The following FANCD2 variants were observed in gnomAD, a reference collection of about 807,000 sequenced individuals.
FANCD2 encodes Fanconi anemia group D2 protein.
In FANCD2, 131 loss-of-function variants were observed where a neutral mutation model predicts 192.3. The ratio of observed to expected loss-of-function variants is 0.68; its 90% CI spans 0.59 to 0.79. The LOEUF is 0.79. Ranked by LOEUF, FANCD2 falls within the 30% of genes least tolerant of loss-of-function variation. FANCD2 has a pLI of 0.00. For synonymous variants in FANCD2, 524 were observed against 612.5 expected (o/e 0.86, Z 2.13); for missense variants, 1,508 against 1,701.6 (o/e 0.89, Z 2.00).
intron 30 of FANCD2, 87 bp from the exon 31 acceptor site, chr3:10,081,013 C>A: frequency 6.9e-7 from 1 of 1,450,810 alleles, no homozygotes; most frequent in Non-Finnish European, 9.6e-7. Flanking sequence ...CCTGGTGACA[C>A]AGGTTTGACT....
intron 37 of FANCD2, 56 bp downstream of exon 37, chr3:10,090,441 TG>T: frequency 1.1e-5 from 9 of 787,988 alleles, no homozygotes; most frequent in Non-Finnish European, 1.8e-5. Flanking sequence ...TGGAAGTTGC[TG>T]ATTTTTTTTT....
intron 29 of FANCD2, among the ~76,000 whole-genome samples, chr3:10,076,068 C>T (rs1340142236): frequency 2.0e-5 from 3 of 148,756 alleles, no homozygotes; most frequent in Non-Finnish European, 4.4e-5. Flanking sequence ...TCTACATCAT[C>T]TTGCCCTTAG....
chr3:10,086,126 C>A (rs1448710877), intron 33 of FANCD2, among the ~76,000 whole-genome samples: 3 of 152,206 alleles, frequency 2.0e-5, no homozygotes, highest in African/African-American at 7.2e-5. Context: ...CATGCTAAAT[C>A]TTCATGAATG....
At chr3:10,051,112 G>A (rs2087190142) in intron 17 of FANCD2, among the ~76,000 whole-genome samples, 1 of 150,896 alleles carries the variant, frequency 6.6e-6, no homozygotes, top group Non-Finnish European at 1.5e-5. Context: ...CGGGCGCGGT[G>A]GCTCACGCCT....
In FANCD2 at chr3:10,040,083, G is replaced by T. The variant is rs961500911; in HGVS notation, c.695+238G>T. 24 of 501,116 alleles carry T rather than the reference G, an allele frequency of 4.8e-5. No individual in the cohort carries two copies. The Admixed American group carries it at 4.9e-4, about 10-fold the overall frequency. The allele number at this position is 501,116 out of a possible 1,614,324, so 31.0% of individuals were successfully genotyped here. A position where few individuals can be genotyped will look rare whatever the true frequency, so the allele number is the denominator to read the frequency against. ...ACAGTCTTGCTCTGTCGCCCAGGCT[G>T]GAGTGCAGTGGTGCGATCTCAGCTC... is the stretch of plus-strand genomic sequence containing the variant. On this transcript the variant is annotated intron_variant, in intron 9 of 43. Transcript: ENST00000675286.
At chr3:10,077,018 T>C (rs1271086180) in intron 29 of FANCD2, among the ~76,000 whole-genome samples, 1 of 151,830 alleles carries the variant, frequency 6.6e-6, no homozygotes, top group Non-Finnish European at 1.5e-5. Context: ...CCCAAAGTAC[T>C]GGGAGTTTGA....
intron 8 of FANCD2, 79 bp from the exon 9 acceptor site, chr3:10,039,642 A>G: frequency 1.3e-6 from 2 of 1,503,816 alleles, no homozygotes; most frequent in Non-Finnish European, 1.8e-6. Context: ...AAATAATTTC[A>G]GCTCTGCATT....
In FANCD2 at chr3:10,087,281, CTTTTTT is replaced by C; in HGVS notation, c.3466+31_3466+36del. The C allele has an allele frequency of 2.0e-5, 26 of 1,310,320 alleles. No individual in the cohort carries two copies. Among genetic ancestry groups the C allele is most frequent in the South Asian group, 2.8e-5 (2 of 71,738 alleles). 81.2% of individuals were successfully genotyped at this position (1,310,320 alleles called of 1,614,324 possible). ...AAAAAATTGGTGATGGGCCTAGATC[CTTTTTT>C]TTTTTTTTTTTTTAATGAATAGGAC... On this transcript the variant is annotated intron_variant, in intron 34 of 43. Transcript: ENST00000675286.
Position 10,101,292 on chromosome 3 carries a change from G to A in FANCD2, c.*30G>A. ...CAGATAAATTGTTGCCTGCTTCTGT[G>A]TCTCTGCCAGCCTGTGATCATTTTG... On this transcript the variant is annotated 3_prime_UTR_variant, in exon 44 of 44. Coordinates refer to ENST00000675286, the MANE Select transcript of FANCD2 (RefSeq NM_001018115.3). The A allele has an allele frequency of 4.7e-6, 7 of 1,479,980 alleles. No individual in the cohort carries two copies. The highest frequency in any genetic ancestry group is 6.6e-6 in the Non-Finnish European group (7 of 1,058,476). 91.7% of individuals were successfully genotyped at this position (1,479,980 alleles called of 1,614,324 possible). A position where few individuals can be genotyped will look rare whatever the true frequency, so the allele number is the denominator to read the frequency against.
rs2125077822 is a variant in FANCD2, at chr3:10,088,898, C to T, written c.3631C>T (p.Leu1211=). The change falls in exon 36 of 44, where the codon CTG becomes TTG. Residue 1211 remains leucine, a synonymous_variant. Transcript: ENST00000675286. ...GATTGCTGGTGTTGGTGTCCCAGAA[C>T]TGATCAACTCTCCTAAAGATGCATC... ...EEIAGVGVPE[L]INSPKDASSS... 1 of 1,614,072 alleles carries T rather than the reference C, an allele frequency of 6.2e-7. No homozygotes were observed.
At chr3:10,088,648 C>A in intron 35 of FANCD2, 106 bp downstream of exon 35, 1 of 1,086,424 alleles carries the variant, frequency 9.2e-7, no homozygotes, top group Non-Finnish European at 1.4e-6. Context: ...AATTTGAAAA[C>A]AATGAAGTAG....
At chr3:10,043,336 C>A in intron 12 of FANCD2, 148 bp from the exon 13 acceptor site, 2 of 801,434 alleles carry the variant, frequency 2.5e-6, no homozygotes, top group East Asian at 2.7e-5. Flanking sequence ...CCATTCAGAT[C>A]AATCCCAGAC....
intron 7 of FANCD2, 106 bp from the exon 8 acceptor site, chr3:10,039,173 C>T (rs1354116339): frequency 5.4e-6 from 4 of 746,614 alleles, no homozygotes; most frequent in Admixed American, 4.4e-5. Flanking sequence ...AGTAGGTGTT[C>T]GGTAAATGTT....
intron 39 of FANCD2, among the ~76,000 whole-genome samples, chr3:10,093,613 C>G (rs1052245220): frequency 6.6e-6 from 1 of 152,092 alleles, no homozygotes; most frequent in South Asian, 2.1e-4. Flanking sequence ...CATTCCTTAC[C>G]AGGCAAAAGG....
intron 42 of FANCD2, among the ~76,000 whole-genome samples, chr3:10,097,996 T>A (rs765799837): frequency 6.6e-6 from 1 of 151,272 alleles, no homozygotes; most frequent in Non-Finnish European, 1.5e-5. Flanking sequence ...AGGTTTTTTT[T>A]AGTTGTCTGA....
intron 3 of FANCD2, 105 bp downstream of exon 3, chr3:10,033,077 C>T (rs2086642465): frequency 1.0e-6 from 1 of 994,260 alleles, no homozygotes. Flanking sequence ...AATCAGAGGG[C>T]CATCCATCTT....
chr3:10,078,127 T>C lies in FANCD2; in HGVS notation c.2906T>C (p.Leu969Pro), dbSNP rs1693632827. 2 of 1,613,994 alleles carry C rather than the reference T, an allele frequency of 1.2e-6. No individual in the cohort carries two copies. The highest frequency in any genetic ancestry group is 1.7e-6 in the Non-Finnish European group (2 of 1,179,882). The change falls in exon 30 of 44, where the codon CTG becomes CCG. Residue 969 changes from leucine to proline, a missense_variant. Physicochemically the swap from Leu to Pro is moderately conservative, Grantham distance 98. Around this residue, in one of 5 missense-constraint regions of FANCD2, gnomAD observed 796 missense variants for 879.4 expected, o/e 0.91. Transcript: ENST00000675286. ...GGGCCCCCTGAGCTGCTTTTCTTGC[T>C]GGAAGATCTCTCCCAGAAGCTGGAG... ...QLGPPELLFLLEDLSQKLESM... is the reference protein window; with the variant it reads ...QLGPPELLFLPEDLSQKLESM...
chr3:10,075,918 G>A (rs1249114659), intron 29 of FANCD2, among the ~76,000 whole-genome samples: 1 of 151,474 alleles, frequency 6.6e-6, no homozygotes, highest in Non-Finnish European at 1.5e-5. Flanking sequence ...TTTTAATAGA[G>A]ACGAGGTTTC....
chr3:10,041,711 G>T lies in FANCD2; in HGVS notation c.783+1G>T. The T allele has an allele frequency of 6.2e-7, 1 of 1,612,268 alleles. No homozygotes were observed. The highest frequency in any genetic ancestry group is 8.5e-7 in the Non-Finnish European group (1 of 1,178,414). On this transcript the variant is annotated splice_donor_variant, in intron 10 of 43. Transcript: ENST00000675286. LOFTEE classifies it high-confidence loss of function. Reference sequence around the variant, plus strand: ...ACTTGACCCAAACTTCCTATTGAAGGTAGAAAAGACTCAGCTTTCCAGAAA... The same window carrying T: ...ACTTGACCCAAACTTCCTATTGAAGTTAGAAAAGACTCAGCTTTCCAGAAA...
Sources: allele counts gnomAD v4.1 joint callset (sites outside exome capture counted in the v4.1 genomes callset), GRCh38; gene constraint gnomAD v4.1.1; regional missense constraint gnomAD v4.1.1; transcripts MANE v1.5; gene names NCBI Gene and HGNC (gene_info 2026-07-23, HGNC 2026-07-21).